DPYD: variants seen among roughly 807,000 people sequenced by gnomAD.
The protein encoded by DPYD is dihydropyrimidine dehydrogenase [NADP(+)].
Under a neutral mutation model 116.2 loss-of-function variants are expected in DPYD, and 109 were observed. The observed-to-expected ratio is 0.94, with a 90% CI of 0.80 to 1.10. The LOEUF (loss-of-function observed/expected upper bound fraction) is 1.10. Ranked by LOEUF, DPYD falls within the 50% of genes least tolerant of loss-of-function variation. DPYD has a pLI of 0.00. For synonymous variants in DPYD, 440 were observed against 432.0 expected, an observed-to-expected ratio of 1.02 and a Z score of -0.23; for missense variants, 1,302 against 1,254.5, an observed-to-expected ratio of 1.04 and a Z score of -0.57.
At chr1:97,427,392 T>A (rs942676874) in intron 14 of DPYD, among the ~76,000 whole-genome samples, 2 of 151,994 alleles carry the variant, frequency 1.3e-5, no homozygotes, top group Non-Finnish European at 2.9e-5. Flanking sequence ...TACCTAAAGA[T>A]CTATACCTTC....
chr1:97,772,098 T>A (rs1666173630), intron 3 of DPYD, among the ~76,000 whole-genome samples: 1 of 152,164 alleles, frequency 6.6e-6, no homozygotes, highest in South Asian at 2.1e-4. Flanking sequence ...CCCAATGATG[T>A]TGTCTTAAAT....
chr1:97,831,016 T>C (rs17117251), intron 2 of DPYD, among the ~76,000 whole-genome samples: 3,847 of 152,278 alleles, frequency 0.025, 166 homozygotes, highest in African/African-American at 0.085. Flanking sequence ...ACACTTTGTG[T>C]CTGCATGAAG....
chr1:97,301,561 C>T (rs1431205085), intron 18 of DPYD, among the ~76,000 whole-genome samples: 1 of 151,978 alleles, frequency 6.6e-6, no homozygotes, highest in Middle Eastern at 3.4e-3. Context: ...AAAATATATA[C>T]AGGACAATGA....
chr1:97,688,187 G>A (rs951006841), intron 7 of DPYD, among the ~76,000 whole-genome samples: 5 of 152,032 alleles, frequency 3.3e-5, no homozygotes, highest in African/African-American at 1.2e-4. Context: ...AATAGCAGGG[G>A]AAAGCATTAA....
chr1:97,614,861 C>G (rs1656169706), intron 8 of DPYD, among the ~76,000 whole-genome samples: 1 of 152,042 alleles, frequency 6.6e-6, no homozygotes, highest in African/African-American at 2.4e-5. Context: ...TAGTTAACAG[C>G]AAAGTTAAGG....
intron 8 of DPYD, among the ~76,000 whole-genome samples, chr1:97,645,412 G>A (rs1377954366): frequency 6.6e-6 from 1 of 151,940 alleles, no homozygotes; most frequent in East Asian, 1.9e-4. Context: ...CCTTTTTTGT[G>A]AAATATATTA....
chr1:97,338,585 G>A (rs1386701765), intron 16 of DPYD, among the ~76,000 whole-genome samples: 1 of 152,164 alleles, frequency 6.6e-6, no homozygotes, highest in African/African-American at 2.4e-5. Flanking sequence ...AGTCCTGGGA[G>A]GGTAGGGGTG....
chr1:97,627,065 T>C (rs1656976065), intron 8 of DPYD, among the ~76,000 whole-genome samples: 1 of 152,010 alleles, frequency 6.6e-6, no homozygotes, highest in South Asian at 2.1e-4. Context: ...GCCCAGCTCC[T>C]TGAGGCTCCT....
intron 1 of DPYD, among the ~76,000 whole-genome samples, chr1:97,898,935 T>C (rs2101679005): frequency 6.6e-6 from 1 of 151,980 alleles, no homozygotes; most frequent in East Asian, 1.9e-4. Context: ...TCAAACCTCT[T>C]TCCTTTATAA....
chr1:97,687,008 T>A (rs1371705346), intron 7 of DPYD, among the ~76,000 whole-genome samples: 1 of 152,010 alleles, frequency 6.6e-6, no homozygotes, highest in South Asian at 2.1e-4. Context: ...CGGTGGCTCA[T>A]GTCTGTAATC....
chr1:97,473,003 T>C (rs1377131034), intron 13 of DPYD, among the ~76,000 whole-genome samples: 2 of 152,188 alleles, frequency 1.3e-5, no homozygotes, highest in African/African-American at 4.8e-5. Flanking sequence ...TCTACTCCTT[T>C]TACAAATTTC....
intron 18 of DPYD, among the ~76,000 whole-genome samples, chr1:97,270,232 G>A (rs980506722): frequency 2.2e-4 from 33 of 152,258 alleles, no homozygotes; most frequent in African/African-American, 7.2e-4. Context: ...AACAACCGGA[G>A]AATGGGTTTA....
rs1672309780 is a variant in DPYD, at chr1:97,883,117, A to C, written c.150+147T>G. On this transcript the variant is annotated intron_variant, in intron 2 of 22. Transcript: ENST00000370192. ...CAGTGTAATTAAAAATACACTTTCA[A>C]ACTTTTTCAAATATTAAATATTTAA... 5.1e-6 allele frequency: 3 copies of C among 588,838 alleles called. No individual in the cohort carries two copies. In the Admixed American group the frequency reaches 9.4e-5, roughly 18 times the overall value. The allele number at this position is 588,838 out of a possible 1,614,324, so 36.5% of individuals were successfully genotyped here.
chr1:97,511,669 C>T (rs1352060794), intron 13 of DPYD, among the ~76,000 whole-genome samples: 1 of 151,864 alleles, frequency 6.6e-6, no homozygotes, highest in Non-Finnish European at 1.5e-5. Context: ...TAAAACAGAT[C>T]TTTCTACAGT....
At chr1:97,726,371 A>C (rs916477500) in intron 4 of DPYD, among the ~76,000 whole-genome samples, 1 of 151,596 alleles carries the variant, frequency 6.6e-6, no homozygotes, top group Non-Finnish European at 1.5e-5. Context: ...ATTTTACTTA[A>C]TAATAATGAA....
chr1:97,712,728 C>CTCCA (rs1662362763), intron 5 of DPYD, among the ~76,000 whole-genome samples: 1 of 152,072 alleles, frequency 6.6e-6, no homozygotes, highest in Non-Finnish European at 1.5e-5. Flanking sequence ...AAGTCCAGGG[C>CTCCA]TCCAGTCCAA....
intron 12 of DPYD, among the ~76,000 whole-genome samples, chr1:97,526,016 T>TGTGTGTGTGTG (rs1649060888): frequency 5.3e-5 from 8 of 149,920 alleles, no homozygotes; most frequent in Non-Finnish European, 1.0e-4. Flanking sequence ...TGTGTGTGTG[T>TGTGTGTGTGTG]TTCTATAATT....
intron 12 of DPYD, among the ~76,000 whole-genome samples, chr1:97,524,263 G>C (rs1648895271): frequency 6.6e-6 from 1 of 152,148 alleles, no homozygotes. Flanking sequence ...AAAGAATTTT[G>C]AAATAGAGTT....
intron 8 of DPYD, among the ~76,000 whole-genome samples, chr1:97,626,323 A>G (rs1656925750): frequency 6.6e-6 from 1 of 152,060 alleles, no homozygotes; most frequent in African/African-American, 2.4e-5. Context: ...TCATTAATAT[A>G]AACAGAAAAT....
Sources: gnomAD v4.1 joint callset for allele counts (sites outside exome capture counted in the v4.1 genomes callset) on GRCh38, gnomAD v4.1.1 for gene constraint, MANE v1.5 for transcripts, NCBI Gene and HGNC (gene_info 2026-07-23, HGNC 2026-07-21) for gene names.